PDPR: variants seen among roughly 807,000 people sequenced by gnomAD.
PDPR encodes pyruvate dehydrogenase phosphatase regulatory subunit, mitochondrial.
PDPR carries 50 observed loss-of-function variants against 102.2 expected under a neutral mutation model. That is an observed-to-expected ratio of 0.49 (90% confidence interval 0.39 to 0.62). The LOEUF (loss-of-function observed/expected upper bound fraction) is 0.62, where lower values mean the gene tolerates loss of function less well. PDPR is among the 20% of genes least tolerant of loss of function. The pLI, the probability that PDPR is intolerant of heterozygous loss-of-function variation, is 0.00. For missense variants in PDPR, 625 were observed against 1,098.2 expected (o/e 0.57, Z 6.09); for synonymous variants, 259 against 406.0 (o/e 0.64, Z 4.35).
At chr16:70,126,931 A>G (rs937116280) in intron 3 of PDPR, among the ~76,000 whole-genome samples, 7 of 152,238 alleles carry the variant, frequency 4.6e-5, no homozygotes, top group African/African-American at 1.4e-4. Flanking sequence ...TGCAACCTCT[A>G]CCTTTTGAAC....
rs1314622158 is a variant in PDPR at position 70,120,728 on chromosome 16, C to G, written c.227+9C>G. The G allele has an allele frequency of 6.4e-7, 1 of 1,574,310 alleles. No homozygotes were observed. The highest frequency in any genetic ancestry group is 8.7e-7 in the Non-Finnish European group (1 of 1,143,808). ...CTTTTGGAGCAGGGCAGGTAAGGAT[C>G]AGACTGCATTTGGCTCATGGCTGTG... On this transcript the variant is annotated intron_variant, in intron 3 of 18. Coordinates refer to ENST00000288050, the MANE Select transcript of PDPR (RefSeq NM_017990.5).
intron 4 of PDPR, among the ~76,000 whole-genome samples, chr16:70,128,144 C>T (rs1194787101): frequency 6.6e-6 from 1 of 152,216 alleles, no homozygotes; most frequent in East Asian, 1.9e-4. Flanking sequence ...TTACACTCCC[C>T]CAAGACTAGG....
rs184112201 is a variant in PDPR at position 70,115,447 on chromosome 16, C to T, written c.-33+517C>T. ...AACTTGTGTTAATTTCTTAAACTTG[C>T]GTGATCACCTGGTGTACTTGTTGAA... On this transcript the variant is annotated intron_variant, in intron 2 of 18. Transcript: ENST00000288050. Among the ~76,000 whole-genome samples, 8 of 152,296 alleles carry T rather than the reference C, an allele frequency of 5.3e-5. No homozygotes were observed. The East Asian group carries it at 1.4e-3, about 26-fold the overall frequency.
chr16:70,128,223 C>CTT (rs5817688), intron 4 of PDPR, among the ~76,000 whole-genome samples: 48 of 149,438 alleles, frequency 3.2e-4, no homozygotes, highest in African/African-American at 6.2e-4. Context: ...CCAAAACTGT[C>CTT]TTTTTTTTTT....
intron 9 of PDPR, among the ~76,000 whole-genome samples, chr16:70,134,799 AT>A (rs202191816): frequency 0.13 from 13,384 of 103,124 alleles, 2 homozygotes; most frequent in Non-Finnish European, 0.17. Flanking sequence ...AAAAAAAAAA[AT>A]AATAATAATA....
At chr16:70,119,006 C>T (rs1962936622) in intron 2 of PDPR, among the ~76,000 whole-genome samples, 1 of 152,136 alleles carries the variant, frequency 6.6e-6, no homozygotes, top group South Asian at 2.1e-4. Context: ...AAGGAGATGA[C>T]TAGCAGTGAG....
In PDPR at chr16:70,159,481, TTTCTC is replaced by T. The variant is rs1189751291; in HGVS notation, c.*2607_*2611del. ...GTTTATTCAGTGCCCCAAACACAGATTTCTCTTCTAGCACTTTAGAGTTGATCCTT... is the reference window on the plus strand; with the variant it reads ...GTTTATTCAGTGCCCCAAACACAGATTTCTAGCACTTTAGAGTTGATCCTT... On this transcript the variant is annotated 3_prime_UTR_variant, in exon 19 of 19. Transcript: ENST00000288050. 6.5e-6 allele frequency: 1 copy of T among 152,718 alleles called. No homozygotes were observed. The highest frequency in any genetic ancestry group is 1.5e-5 in the Non-Finnish European group (1 of 68,382). 9.5% of individuals were successfully genotyped at this position (152,718 alleles called of 1,614,324 possible). A position where few individuals can be genotyped will look rare whatever the true frequency, so the allele number is the denominator to read the frequency against.
At chr16:70,128,043 C>A (rs1266474336) in intron 4 of PDPR, among the ~76,000 whole-genome samples, 1 of 152,252 alleles carries the variant, frequency 6.6e-6, no homozygotes, top group Non-Finnish European at 1.5e-5. Context: ...AAGCTTAGGT[C>A]ACATGCCCAC....
chr16:70,163,389 G>A (rs1364616040), downstream of PDPR, among the ~76,000 whole-genome samples: 10 of 152,044 alleles, frequency 6.6e-5, no homozygotes, highest in African/African-American at 9.7e-5. Context: ...AGTCAACCAC[G>A]CCAGAAACCT....
At chr16:70,118,502 AGGAG>A (rs1305291840) in intron 2 of PDPR, among the ~76,000 whole-genome samples, 1 of 152,262 alleles carries the variant, frequency 6.6e-6, no homozygotes, top group African/African-American at 2.4e-5. Flanking sequence ...GTCAGAAGCC[AGGAG>A]GTTGACAGTG....
intron 2 of PDPR, among the ~76,000 whole-genome samples, chr16:70,117,613 A>G (rs1373113325): frequency 6.6e-6 from 1 of 152,184 alleles, no homozygotes; most frequent in Non-Finnish European, 1.5e-5. Context: ...AGGGAACAGC[A>G]TGCACAGAAC....
At chr16:70,114,295 C>T (rs1962402775), upstream of PDPR, 1 of 152,186 alleles carries the variant, frequency 6.6e-6, no homozygotes, top group Non-Finnish European at 1.5e-5. Context: ...CTCGGCTTCC[C>T]CGGAACTTTT....
rs1401302928 is a variant in PDPR at position 70,130,556 on chromosome 16, C to T, written c.729+12C>T. ...ACTGTGCTGGCCAGGTAGGTCAGCA[C>T]CAACACTGCTGTTCTTATTTAACGT... On this transcript the variant is annotated intron_variant, in intron 7 of 18. Transcript: ENST00000288050. 6.2e-7 allele frequency: 1 copy of T among 1,613,678 alleles called. No individual in the cohort carries two copies. Among genetic ancestry groups the T allele is most frequent in the Non-Finnish European group, 8.5e-7 (1 of 1,179,838 alleles).
At chr16:70,122,051 A>G (rs1184928378) in intron 3 of PDPR, among the ~76,000 whole-genome samples, 1 of 152,100 alleles carries the variant, frequency 6.6e-6, no homozygotes, top group Non-Finnish European at 1.5e-5. Flanking sequence ...CAGTGGTGCA[A>G]TTTCTGCTCA....
intron 10 of PDPR, among the ~76,000 whole-genome samples, chr16:70,138,676 A>G (rs1419342287): frequency 3.3e-5 from 5 of 152,346 alleles, no homozygotes; most frequent in African/African-American, 1.2e-4. Flanking sequence ...AATACCTCCT[A>G]GGGAATCTTA....
At position 70,119,373 on chromosome 16, in the gene PDPR, C is replaced by A. The variant is rs538562826; in HGVS notation, c.-32-1088C>A. ...AAAAAAACAAAGAAAAGAAAAACAT[C>A]CCAGATCATTTCATTCCCCTGCTAG... On this transcript the variant is annotated intron_variant, in intron 2 of 18. Transcript: ENST00000288050. Among the ~76,000 whole-genome samples the A allele has an allele frequency of 6.6e-5, 10 of 151,892 alleles. No individual in the cohort carries two copies. In the South Asian group the frequency reaches 2.1e-3, roughly 32 times the overall value.
At chr16:70,115,365 T>C (rs2549293) in intron 2 of PDPR, among the ~76,000 whole-genome samples, 1 of 152,108 alleles carries the variant, frequency 6.6e-6, no homozygotes, top group Non-Finnish European at 1.5e-5. Flanking sequence ...CTCGTGATTC[T>C]CCCGCCTCAG....
At chr16:70,125,575 G>GTATATATATATATA (rs60529473) in intron 3 of PDPR, among the ~76,000 whole-genome samples, 3 of 136,102 alleles carry the variant, frequency 2.2e-5, no homozygotes, top group African/African-American at 8.2e-5. Flanking sequence ...AAAAAAAAAA[G>GTATATATATATATA]TATATATATA....
intron 9 of PDPR, among the ~76,000 whole-genome samples, chr16:70,133,146 G>A (rs1461705870): frequency 3.3e-5 from 4 of 122,124 alleles, no homozygotes; most frequent in Non-Finnish European, 4.7e-5. Flanking sequence ...ATGAAGTCTC[G>A]CTCTGTTGCC....
Sources: gnomAD v4.1 joint callset for allele counts (sites outside exome capture counted in the v4.1 genomes callset) on GRCh38, gnomAD v4.1.1 for gene constraint, MANE v1.5 for transcripts, NCBI Gene and HGNC (gene_info 2026-07-23, HGNC 2026-07-21) for gene names.